The following EFCAB8 variants were observed in gnomAD, a reference collection of about 807,000 sequenced individuals.
The protein encoded by EFCAB8 is EF-hand calcium-binding domain-containing protein 8.
EFCAB8 carries 100 observed loss-of-function variants against 116.3 expected under a neutral mutation model. The ratio of observed to expected loss-of-function variants is 0.86; its 90% CI spans 0.73 to 1.02. EFCAB8 has a LOEUF of 1.02. Ranked by LOEUF, EFCAB8 falls within the 50% of genes least tolerant of loss-of-function variation. The pLI, the probability that EFCAB8 is intolerant of heterozygous loss-of-function variation, is 0.00. For synonymous variants in EFCAB8, 558 were observed against 567.9 expected, an observed-to-expected ratio of 0.98 and a Z score of 0.25; for missense variants, 1,320 against 1,416.9, an observed-to-expected ratio of 0.93 and a Z score of 1.10.
rs1986772492 is a variant in EFCAB8, at chr20:32,908,320, T to C, written c.1354T>C (p.Phe452Leu). Residue 452 changes from phenylalanine (F) to leucine (L), a missense_variant, in exon 14 of 27, where the codon TTC (phenylalanine) becomes CTC (leucine). Phe to Leu is a conservative substitution (Grantham distance 22, BLOSUM62 0). Transcript: ENST00000400522. ...GCTGGACTACATATGCCTCCAGTCC[T>C]TCTGTGGGAAGTTTTTTGCTCTGGG... ...DMLDYICLQS[F>L]CGKFFALGNC... is the part of the protein sequence containing the mutation. 3 of 1,249,822 alleles carry C rather than the reference T, an allele frequency of 2.4e-6. No individual in the cohort carries two copies. Among genetic ancestry groups the C allele is most frequent in the Non-Finnish European group, 3.0e-6 (3 of 988,288 alleles). 77.4% of individuals were successfully genotyped at this position (1,249,822 alleles called of 1,614,324 possible). A position where few individuals can be genotyped will look rare whatever the true frequency, so the allele number is the denominator to read the frequency against.
chr20:32,904,663 T>C (rs996108853), intron 11 of EFCAB8, among the ~76,000 whole-genome samples: 1 of 149,226 alleles, frequency 6.7e-6, no homozygotes, highest in Non-Finnish European at 1.5e-5. Flanking sequence ...TCTTTCTCTG[T>C]CACCCAGGCT....
chr20:32,896,375 C>G, intron 9 of EFCAB8, 79 bp from the exon 10 acceptor site: 1 of 693,290 alleles, frequency 1.4e-6, no homozygotes, highest in Non-Finnish European at 2.7e-6. Context: ...CAAGCCAACT[C>G]AAGACGTCTT....
chr20:32,938,899 T>G (rs1302600737), intron 22 of EFCAB8, among the ~76,000 whole-genome samples: 1 of 149,438 alleles, frequency 6.7e-6, no homozygotes, highest in African/African-American at 2.5e-5. Context: ...TTCTCTTCTC[T>G]TTTCTCTTCC....
chr20:32,899,570 T>C (rs1986333404), intron 11 of EFCAB8, among the ~76,000 whole-genome samples: 1 of 151,798 alleles, frequency 6.6e-6, no homozygotes, highest in Admixed American at 6.6e-5. Flanking sequence ...CCACTTCTGG[T>C]TTTTTTTCTT....
At chr20:32,873,469 C>G (rs1436704566) in intron 3 of EFCAB8, among the ~76,000 whole-genome samples, 1 of 152,006 alleles carries the variant, frequency 6.6e-6, no homozygotes, top group Non-Finnish European at 1.5e-5. Flanking sequence ...CTTATAGACC[C>G]AGCCAGCACG....
chr20:32,886,238 G>A (rs1330145034), intron 6 of EFCAB8, among the ~76,000 whole-genome samples: 1 of 152,222 alleles, frequency 6.6e-6, no homozygotes, highest in African/African-American at 2.4e-5. Flanking sequence ...AACACATGAT[G>A]ACATAATACA....
At chr20:32,861,540 C>T (rs762418800) in intron 1 of EFCAB8, among the ~76,000 whole-genome samples, 9 of 152,164 alleles carry the variant, frequency 5.9e-5, no homozygotes, top group East Asian at 1.9e-4. Flanking sequence ...CCGTCTGCCT[C>T]GGCCTCCCAA....
rs1180036502 is a variant in EFCAB8 at position 32,958,505 on chromosome 20, G to A, written c.3044G>A (p.Gly1015Asp). ...RENRASLEED[G>D]DSTGTTQKVL... Reference sequence around the variant, plus strand: ...AACAGAGCAAGCTTAGAGGAAGATGGTGACTCCACTGGCACCACCCAGAAG... The same window carrying A: ...AACAGAGCAAGCTTAGAGGAAGATGATGACTCCACTGGCACCACCCAGAAG... The change falls in exon 24 of 27, where the codon GGT becomes GAT. Residue 1015 changes from glycine (G) to aspartate (D), a missense_variant. Coordinates refer to ENST00000400522, the MANE Select transcript of EFCAB8 (RefSeq NM_001143967.2). The A allele has an allele frequency of 4.8e-6, 2 of 416,800 alleles. No individual in the cohort carries two copies. Among genetic ancestry groups the A allele is most frequent in the Non-Finnish European group, 4.4e-6 (1 of 226,394 alleles). 25.8% of individuals were successfully genotyped at this position (416,800 alleles called of 1,614,324 possible). A position where few individuals can be genotyped will look rare whatever the true frequency, so the allele number is the denominator to read the frequency against.
At chr20:32,893,719 C>G (rs533351222) in intron 9 of EFCAB8, among the ~76,000 whole-genome samples, 31 of 151,868 alleles carry the variant, frequency 2.0e-4, no homozygotes, top group African/African-American at 7.0e-4. Context: ...TTTGGGTGGG[C>G]AGGGGCTGTC....
At chr20:32,876,181 G>A (rs902727177) in intron 4 of EFCAB8, 137 bp downstream of exon 4, 1 of 732,726 alleles carries the variant, frequency 1.4e-6, no homozygotes, top group African/African-American at 1.8e-5. Context: ...CCCAGTCGGG[G>A]GACTTGCCTG....
At chr20:32,917,074 T>C (rs1987221256) in intron 17 of EFCAB8, 1 of 545,370 alleles carries the variant, frequency 1.8e-6, no homozygotes, top group Admixed American at 3.3e-5. Context: ...ATTGACTATC[T>C]GTAAGATTAG....
At position 32,961,677 on chromosome 20, in the gene EFCAB8, G is replaced by C. The variant is rs559188129; in HGVS notation, c.*68G>C. The stretch of plus-strand genomic sequence containing the variant: ...GCCCATGGCGGTCCTGCATGTTCTC[G>C]GCTTATTCCCTACCAGACCCAGAGG... On this transcript the variant is annotated 3_prime_UTR_variant, in exon 27 of 27. Transcript: ENST00000400522. 38 of 980,316 alleles carry C rather than the reference G, an allele frequency of 3.9e-5. No individual in the cohort carries two copies. In the South Asian group the frequency reaches 1.4e-3, roughly 36 times the overall value. 60.7% of individuals were successfully genotyped at this position (980,316 alleles called of 1,614,324 possible).
intron 23 of EFCAB8, among the ~76,000 whole-genome samples, chr20:32,956,157 C>G (rs1568951051): frequency 6.6e-6 from 1 of 151,832 alleles, no homozygotes; most frequent in East Asian, 1.9e-4. Flanking sequence ...TAGTGATTAC[C>G]TTAGAGATTA....
rs932188275 is a variant in EFCAB8 at position 32,917,384 on chromosome 20, G to A, written c.1940G>A (p.Arg647Gln). Residue 647 changes from arginine to glutamine, a missense_variant, in exon 18 of 27, where the codon CGG (arginine) becomes CAG (glutamine). Physicochemically the swap from Arg to Gln is conservative, Grantham distance 43 (BLOSUM62 1). Transcript: ENST00000400522. ...GACATCCTGAGCATGGCCAAGTACC[G>A]GAACCAGTTCCTTGGGACCTCCTCC... Reference protein sequence around the residue: ...TEDILSMAKYRNQFLGTSSYS... With the variant: ...TEDILSMAKYQNQFLGTSSYS... The A allele has an allele frequency of 3.6e-5, 56 of 1,551,718 alleles. No homozygotes were observed. Among genetic ancestry groups the A allele is most frequent in the East Asian group, 1.7e-4 (7 of 40,924 alleles).
intron 11 of EFCAB8, among the ~76,000 whole-genome samples, chr20:32,899,080 T>A (rs886702360): frequency 6.6e-6 from 1 of 152,160 alleles, no homozygotes; most frequent in Non-Finnish European, 1.5e-5. Context: ...AAGTTTTTTC[T>A]TTTCTTTTGA....
At chr20:32,885,967 A>G (rs1389282113) in intron 6 of EFCAB8, among the ~76,000 whole-genome samples, 1 of 152,128 alleles carries the variant, frequency 6.6e-6, no homozygotes, top group African/African-American at 2.4e-5. Context: ...TGGCATTGTC[A>G]TCCCCAAGAC....
chr20:32,926,247 G>A (rs1259005032), intron 20 of EFCAB8, among the ~76,000 whole-genome samples: 2 of 152,206 alleles, frequency 1.3e-5, no homozygotes, highest in East Asian at 3.8e-4. Flanking sequence ...GCAGTTATGA[G>A]GAACCACATT....
chr20:32,861,358 G>A (rs925452745), intron 1 of EFCAB8, among the ~76,000 whole-genome samples: 5 of 151,950 alleles, frequency 3.3e-5, no homozygotes, highest in African/African-American at 7.3e-5. Context: ...GCACAATCTC[G>A]GCTCACCGCA....
Position 32,874,169 on chromosome 20 carries a change from C to CCTGT in EFCAB8, c.209-1755_209-1754insGTCT, listed in dbSNP as rs1436462524. On this transcript the variant is annotated intron_variant, in intron 3 of 26. Coordinates refer to ENST00000400522, the MANE Select transcript of EFCAB8 (RefSeq NM_001143967.2). ...CTCCTGGGCTCAAGCCTTCTGCCCA[C>CCTGT]CTCAGCCTCCCAAAGTACTGGGATT... Among the ~76,000 whole-genome samples, 382 of 151,986 alleles carry CCTGT rather than the reference C, an allele frequency of 2.5e-3. 2 individuals carry two copies. The highest frequency in any genetic ancestry group is 8.8e-3 in the African/African-American group (365 of 41,264).
Sources: gnomAD v4.1 joint callset for allele counts (sites outside exome capture counted in the v4.1 genomes callset) on GRCh38, gnomAD v4.1.1 for gene constraint, MANE v1.5 for transcripts, NCBI Gene and HGNC (gene_info 2026-07-23, HGNC 2026-07-21) for gene names.